BAG6: variants seen among roughly 807,000 people sequenced by gnomAD.
BAG6 encodes the protein large proline-rich protein BAG6.
A neutral mutation model predicts 121.0 loss-of-function variants in BAG6; 22 were observed. The observed-to-expected ratio is 0.18, with a 90% CI of 0.13 to 0.26. The LOEUF (loss-of-function observed/expected upper bound fraction) is 0.26, where lower values mean the gene tolerates loss of function less well. Among genes scored for constraint, BAG6 ranks in the 10% least tolerant of loss-of-function variants. The probability of loss-of-function intolerance (pLI) is 1.00; values close to 1 mark genes in which losing one functional copy is unlikely to be tolerated. For missense variants in BAG6, 1,233 were observed against 1,537.7 expected, an observed-to-expected ratio of 0.80 and a Z score of 3.31; for synonymous variants, 583 against 584.6, an observed-to-expected ratio of 1.00 and a Z score of 0.04.
At chr6:31,647,963 G>A in intron 6 of BAG6, 137 bp from the exon 7 acceptor site, 2 of 1,187,214 alleles carry the variant, frequency 1.7e-6, no homozygotes. Context: ...TCTCCGACTC[G>A]CTAGCAACTA....
In BAG6 at chr6:31,641,421, G is replaced by A; in HGVS notation, c.2561C>T (p.Ser854Phe). 1 of 1,614,208 alleles carries A rather than the reference G, an allele frequency of 6.2e-7. No homozygotes were observed. Among genetic ancestry groups the A allele is most frequent in the Non-Finnish European group, 8.5e-7 (1 of 1,180,040 alleles). Residue 854 changes from serine (S) to phenylalanine (F), a missense_variant and splice_region_variant, in exon 19 of 26, where the codon TCC (serine) becomes TTC (phenylalanine). By Grantham distance (155) the Ser-to-Phe change is radical. Around this residue, in one of 7 missense-constraint regions of BAG6, gnomAD observed 288 missense variants for 483.1 expected, o/e 0.60. Coordinates refer to ENST00000676615, the MANE Select transcript of BAG6 (RefSeq NM_001387994.1). This position sits in a 1 kb window ranked among gnomAD's most constrained non-coding sequence, Gnocchi z 5.7. ...CACACCTGGCTGAACCTGCACCAAG[G>A]ACTGAGAGACAAGATAACACAAAGA... ...GLEEYVRESF[S>F]LVQVQPGVDI...
rs758677421 is a variant in BAG6 at position 31,648,730 on chromosome 6, C to T, written c.499G>A (p.Val167Met). ...PIQSEPRVRL[V>M]MAQHMIRDIQ... The stretch of plus-strand genomic sequence containing the variant: ...TCCCTGATCATGTGCTGAGCCATCA[C>T]CAGCCGTACCCGGGGCTCACTCTAC... The change falls in exon 6 of 26, where the codon GTG becomes ATG. Residue 167 changes from valine to methionine, a missense_variant. Transcript: ENST00000676615. 2 of 1,614,066 alleles carry T rather than the reference C, an allele frequency of 1.2e-6. No homozygotes were observed. Among genetic ancestry groups the T allele is most frequent in the South Asian group, 2.2e-5 (2 of 91,074 alleles).
Position 31,641,555 on chromosome 6 carries a change from T to C in BAG6, c.2543A>G (p.Tyr848Cys). 3 of 1,614,112 alleles carry C rather than the reference T, an allele frequency of 1.9e-6. No individual in the cohort carries two copies. The highest frequency in any genetic ancestry group is 2.5e-6 in the Non-Finnish European group (3 of 1,179,974). ...GTTACTCACAAAACTCTCCCGCACA[T>C]ACTCTTCTAGCCCCGTGATCAATGT... ...THTLITGLEE[Y>C]VRESFSLVQV... The change falls in exon 18 of 26, where the codon TAT becomes TGT. Residue 848 changes from tyrosine (Y) to cysteine (C), a missense_variant. Coordinates refer to ENST00000676615, the MANE Select transcript of BAG6 (RefSeq NM_001387994.1). The surrounding 1 kb of genome is among the most constrained non-coding windows in gnomAD (Gnocchi z 5.7).
Position 31,645,570 on chromosome 6 carries a change from T to C in BAG6, c.953A>G (p.Asn318Ser), listed in dbSNP as rs1218444321. The C allele has an allele frequency of 6.8e-6, 11 of 1,613,138 alleles. No individual in the cohort carries two copies. The highest frequency in any genetic ancestry group is 2.2e-5 in the East Asian group (1 of 44,882). The change falls in exon 9 of 26, where the codon AAC (asparagine) becomes AGC (serine). Residue 318 changes from asparagine (N) to serine (S), a missense_variant. Around this residue, in one of 7 missense-constraint regions of BAG6, gnomAD observed 777 missense variants for 861.4 expected, o/e 0.90. Coordinates refer to ENST00000676615, the MANE Select transcript of BAG6 (RefSeq NM_001387994.1). ...CAGTCGCAGGCTCTCCCCTACCAAG[T>C]TGATCAACCGCTGATCCTCCTCCCG... ...EGREEDQRLI[N>S]LVGESLRLLG...
rs757926526 is a variant in BAG6, at chr6:31,647,807, G to C, written c.572C>G (p.Pro191Arg). ...CTGCGGGGGCGGCTGACTGTGCTGC[G>C]GTTGGGGCCCTCCTCGACACTGAAG... ...SRMECRGGPQ[P>R]QHSQPPPQPP... Residue 191 changes from proline to arginine, a missense_variant, in exon 7 of 26, where the codon CCG becomes CGG. Around this residue, in one of 7 missense-constraint regions of BAG6, gnomAD observed 777 missense variants for 861.4 expected, o/e 0.90. Coordinates refer to ENST00000676615, the MANE Select transcript of BAG6 (RefSeq NM_001387994.1). 2.6e-6 allele frequency: 4 copies of C among 1,563,252 alleles called. No individual in the cohort carries two copies. The highest frequency in any genetic ancestry group is 3.5e-6 in the Non-Finnish European group (4 of 1,159,414).
At chr6:31,639,935 C>A in intron 24 of BAG6, 2 of 614,962 alleles carry the variant, frequency 3.3e-6, no homozygotes, top group Non-Finnish European at 5.6e-6. Flanking sequence ...AGGAAACCCA[C>A]CTTAAAGGAA....
At position 31,645,437 on chromosome 6, in the gene BAG6, C is replaced by G. The variant is rs747380257; in HGVS notation, c.1086G>C (p.Met362Ile). The G allele has an allele frequency of 1.9e-6, 3 of 1,613,068 alleles. No homozygotes were observed. The highest frequency in any genetic ancestry group is 1.1e-5 in the South Asian group (1 of 91,090). ...VRPMSHYTTP[M>I]VLQQAAIPIQ... The stretch of plus-strand genomic sequence containing the variant: ...TGGGAATGGCTGCCTGCTGGAGCAC[C>G]ATGGGGGTGGTGTAGTGAGACATAG... The change falls in exon 9 of 26, where the codon ATG becomes ATC. Residue 362 changes from methionine (M) to isoleucine (I), a missense_variant. By Grantham distance (10) the Met-to-Ile change is conservative. Around this residue, in one of 7 missense-constraint regions of BAG6, gnomAD observed 777 missense variants for 861.4 expected, o/e 0.90. Coordinates refer to ENST00000676615, the MANE Select transcript of BAG6 (RefSeq NM_001387994.1).
At position 31,644,124 on chromosome 6, in the gene BAG6, A is replaced by G. The variant is rs547021227; in HGVS notation, c.1626T>C (p.Ala542=). ...VVIARPTPPQ[A]RPSHPGGPPV... is the part of the protein sequence containing the mutation. ...GGGGCCCTCCAGGATGGGAAGGCCGAGCCTGTGGAGGAGTGGGCCGGGCAA... is the reference window on the plus strand; with the variant it reads ...GGGGCCCTCCAGGATGGGAAGGCCGGGCCTGTGGAGGAGTGGGCCGGGCAA... The change falls in exon 13 of 26, where the codon GCT becomes GCC. Residue 542 remains alanine (A), a synonymous_variant. Transcript: ENST00000676615. The surrounding 1 kb of genome is among the most constrained non-coding windows in gnomAD (Gnocchi z 4.9). 5.0e-6 allele frequency: 8 copies of G among 1,614,044 alleles called. No homozygotes were observed. The South Asian group carries it at 8.8e-5, about 18-fold the overall frequency.
chr6:31,650,018 T>C (rs1387010745), intron 2 of BAG6, among the ~76,000 whole-genome samples: 1 of 152,022 alleles, frequency 6.6e-6, no homozygotes, highest in African/African-American at 2.4e-5. Flanking sequence ...AGAGAATCAC[T>C]TGAATTCGGG....
chr6:31,652,232 C>G (rs1461653286), intron 1 of BAG6, 192 bp downstream of exon 1: 1 of 164,220 alleles, frequency 6.1e-6, no homozygotes, highest in Non-Finnish European at 1.4e-5. Flanking sequence ...AAACGGCACT[C>G]ACGGGGCGAC....
intron 8 of BAG6, 48 bp downstream of exon 8, chr6:31,646,346 G>A: frequency 6.3e-7 from 1 of 1,591,482 alleles, no homozygotes; most frequent in Non-Finnish European, 8.6e-7. Context: ...GTTCTGTTTT[G>A]GGAGTACTGG....
rs1477495735 is a variant in BAG6, at chr6:31,648,689, T to G, written c.540A>C (p.Leu180=). The change falls in exon 6 of 26, where the codon CTA becomes CTC. Residue 180 remains leucine (L), a synonymous_variant. Transcript: ENST00000676615. ...QHMIRDIQTL[L]SRMECRGGPQ... is the part of the protein sequence containing the mutation. ...CTTGCCCACTTACCTCCATCCGGGA[T>G]AGTAAGGTCTGTATATCCCTGATCA... 6 of 1,613,902 alleles carry G rather than the reference T, an allele frequency of 3.7e-6. No homozygotes were observed. Among genetic ancestry groups the G allele is most frequent in the African/African-American group, 1.3e-5 (1 of 74,966 alleles).
Position 31,643,078 on chromosome 6 carries a change from A to T in BAG6, c.1794T>A (p.Pro598=). The T allele has an allele frequency of 6.3e-7, 1 of 1,586,880 alleles. No individual in the cohort carries two copies. Among genetic ancestry groups the T allele is most frequent in the Non-Finnish European group, 8.5e-7 (1 of 1,170,252 alleles). ...TGCCAGCACTGGCAGAAGCAGTGGC[A>T]GGGGCTGGCGGTGGAGCCATACCTG... The part of the protein sequence containing the change: ...GTPGMAPPPA[P]ATASASAGTT... Residue 598 remains proline (P), a synonymous_variant, in exon 15 of 26, where the codon CCT becomes CCA. Transcript: ENST00000676615.
chr6:31,647,933 G>A (rs146969049), intron 6 of BAG6, 107 bp from the exon 7 acceptor site: 1 of 1,369,068 alleles, frequency 7.3e-7, no homozygotes, highest in Non-Finnish European at 9.5e-7. Context: ...ACTCCCTGAA[G>A]GCATGGCTCT....
At position 31,639,096 on chromosome 6, in the gene BAG6, G is replaced by C; in HGVS notation, c.*35C>G. 6.5e-7 allele frequency: 1 copy of C among 1,539,610 alleles called. No homozygotes were observed. The highest frequency in any genetic ancestry group is 8.9e-7 in the Non-Finnish European group (1 of 1,123,170). On this transcript the variant is annotated 3_prime_UTR_variant, in exon 26 of 26. Coordinates refer to ENST00000676615, the MANE Select transcript of BAG6 (RefSeq NM_001387994.1). ...TACTGTGAAGGAAGAGGGGGGAAAC[G>C]GTCCCCTGATGAGGAAGGGCCATAG...
chr6:31,648,572 G>A (rs746486959), intron 6 of BAG6, 105 bp downstream of exon 6: 1 of 1,116,368 alleles, frequency 9.0e-7, no homozygotes, highest in African/African-American at 1.6e-5. Flanking sequence ...ACTAGATTAT[G>A]AAGGCCAAAC....
intron 24 of BAG6, 72 bp from the exon 25 acceptor site, chr6:31,639,718 T>C: frequency 6.6e-7 from 1 of 1,519,040 alleles, no homozygotes; most frequent in East Asian, 2.3e-5. Context: ...GCTCACCCTT[T>C]CCATGAGTCA....
chr6:31,647,446 G>A (rs543255947), intron 7 of BAG6, 145 bp downstream of exon 7: 23 of 1,209,974 alleles, frequency 1.9e-5, no homozygotes, highest in Admixed American at 2.8e-5. Context: ...TACCTATACC[G>A]AGAGAGCCCC....
chr6:31,648,698 C>G lies in BAG6; in HGVS notation c.531G>C (p.Gln177His), dbSNP rs769612792. 6.2e-7 allele frequency: 1 copy of G among 1,613,958 alleles called. No homozygotes were observed. Among genetic ancestry groups the G allele is most frequent in the Non-Finnish European group, 8.5e-7 (1 of 1,179,990 alleles). Reference protein sequence around the residue: ...VMAQHMIRDIQTLLSRMECRG... With the variant: ...VMAQHMIRDIHTLLSRMECRG... ...TTACCTCCATCCGGGATAGTAAGGT[C>G]TGTATATCCCTGATCATGTGCTGAG... The change falls in exon 6 of 26, where the codon CAG becomes CAC. Residue 177 changes from glutamine to histidine, a missense_variant. This residue lies in a region of BAG6 where 777 missense variants were observed against 861.4 expected (regional missense o/e 0.90). Coordinates refer to ENST00000676615, the MANE Select transcript of BAG6 (RefSeq NM_001387994.1).
Sources: gnomAD v4.1 joint callset for allele counts (sites outside exome capture counted in the v4.1 genomes callset) on GRCh38, gnomAD v4.1.1 for gene constraint, gnomAD v4.1.1 regional missense constraint, Gnocchi (gnomAD v3.1) non-coding constraint, MANE v1.5 for transcripts, NCBI Gene and HGNC (gene_info 2026-07-23, HGNC 2026-07-21) for gene names.